Variants in ANGPTL2 observed in about 807,000 individuals in gnomAD.
ANGPTL2 encodes angiopoietin-related protein 2.
Under a neutral mutation model 52.8 loss-of-function variants are expected in ANGPTL2, and 25 were observed. The observed-to-expected ratio is 0.47, with a 90% confidence interval of 0.35 to 0.66. The LOEUF (loss-of-function observed/expected upper bound fraction) is 0.66, where lower values mean the gene tolerates loss of function less well. Among genes scored for constraint, ANGPTL2 ranks in the 30% least tolerant of loss-of-function variants. The pLI, the probability that ANGPTL2 is intolerant of heterozygous loss-of-function variation, is 0.01. For missense variants in ANGPTL2, 546 were observed against 656.9 expected, an observed-to-expected ratio of 0.83 and a Z score of 1.84; for synonymous variants, 276 against 277.4, an observed-to-expected ratio of 1.00 and a Z score of 0.05.
At chr9:127,120,988 C>T (rs995843236) in intron 1 of ANGPTL2, among the ~76,000 whole-genome samples, 3 of 152,134 alleles carry the variant, frequency 2.0e-5, no homozygotes, top group Non-Finnish European at 4.4e-5. Flanking sequence ...CTAGCTTTCT[C>T]CTAGAAAGCA....
In ANGPTL2 at chr9:127,091,524, A is replaced by G; in HGVS notation, c.1282+146T>C. On this transcript the variant is annotated intron_variant, in intron 4 of 4. Coordinates refer to ENST00000373425, the MANE Select transcript of ANGPTL2 (RefSeq NM_012098.3). This position sits in a 1 kb window ranked among gnomAD's most constrained non-coding sequence, Gnocchi z 4.3. ...CCTGTGGGCAGGAGAAGGGACCCTC[A>G]GGGGGTGGTAACAGGGTCAGGCAGC... 9.0e-7 allele frequency: 1 copy of G among 1,106,002 alleles called. No individual in the cohort carries two copies. Among genetic ancestry groups the G allele is most frequent in the Non-Finnish European group, 1.3e-6 (1 of 774,784 alleles). The allele number at this position is 1,106,002 out of a possible 1,614,324, so 68.5% of individuals were successfully genotyped here. A position where few individuals can be genotyped will look rare whatever the true frequency, so the allele number is the denominator to read the frequency against.
In ANGPTL2 at chr9:127,089,043, T is replaced by G; in HGVS notation, c.1378A>C (p.Ser460Arg). 1 of 1,614,198 alleles carries G rather than the reference T, an allele frequency of 6.2e-7. No individual in the cohort carries two copies. Among genetic ancestry groups the G allele is most frequent in the Non-Finnish European group, 8.5e-7 (1 of 1,180,032 alleles). Residue 460 changes from serine (S) to arginine (R), a missense_variant, in exon 5 of 5, where the codon AGC (serine) becomes CGC (arginine). By Grantham distance (110) the Ser-to-Arg change is moderately radical (BLOSUM62 -1). Around this residue, in one of 2 missense-constraint regions of ANGPTL2, gnomAD observed 261 missense variants for 361.0 expected, o/e 0.72. Transcript: ENST00000373425. ...GVWYRGGHYR[S>R]RYQDGVYWAE... Reference sequence around the variant, plus strand: ...CAGTAGACTCCGTCCTGGTAGCGGCTCCGGTAATGGCCCCCGCGGTACCAG... The same window carrying G: ...CAGTAGACTCCGTCCTGGTAGCGGCGCCGGTAATGGCCCCCGCGGTACCAG...
At chr9:127,116,629 C>T (rs1012506088) in intron 1 of ANGPTL2, among the ~76,000 whole-genome samples, 3 of 152,218 alleles carry the variant, frequency 2.0e-5, no homozygotes, top group African/African-American at 4.8e-5. Flanking sequence ...GTGGACAGCA[C>T]TGCCCCAGGG....
chr9:127,122,093 G>A lies in ANGPTL2; in HGVS notation c.-50+222C>T, dbSNP rs1254866747. ...AGTGAGGCTTACTCATGAAGTCCTC[G>A]AGATGCCAGCCCATGATCATGTGCC... On this transcript the variant is annotated intron_variant, in intron 1 of 4. Transcript: ENST00000373425. This position sits in a 1 kb window ranked among gnomAD's most constrained non-coding sequence, Gnocchi z 6.4. Among the ~76,000 whole-genome samples, 3 of 152,148 alleles carry A rather than the reference G, an allele frequency of 2.0e-5. No homozygotes were observed. Among genetic ancestry groups the A allele is most frequent in the African/African-American group, 7.2e-5 (3 of 41,428 alleles).
In ANGPTL2 at chr9:127,091,917, G is replaced by A. The variant is rs780907337; in HGVS notation, c.1035C>T (p.Gly345=). The part of the protein sequence containing the change: ...TYKQGFGNID[G]EYWLGLENIY... Reference sequence around the variant, plus strand: ...TGTTCTCCAGGCCCAGCCAGTATTCGCCGTCAATGTTCCCAAACCCTTGCT... The same window carrying A: ...TGTTCTCCAGGCCCAGCCAGTATTCACCGTCAATGTTCCCAAACCCTTGCT... Residue 345 remains glycine (G), a synonymous_variant, in exon 4 of 5, where the codon GGC becomes GGT. Transcript: ENST00000373425. The surrounding 1 kb of genome is among the most constrained non-coding windows in gnomAD (Gnocchi z 4.3). The A allele has an allele frequency of 7.4e-6, 12 of 1,613,936 alleles. No homozygotes were observed. Among genetic ancestry groups the A allele is most frequent in the Admixed American group, 3.3e-5 (2 of 59,992 alleles).
intron 1 of ANGPTL2, among the ~76,000 whole-genome samples, chr9:127,111,543 G>GGATC (rs1386374856): frequency 6.6e-6 from 1 of 152,212 alleles, no homozygotes; most frequent in African/African-American, 2.4e-5. Flanking sequence ...ATTGGGGCAG[G>GGATC]GATCCCATGG....
Position 127,108,379 on chromosome 9 carries a change from C to T in ANGPTL2, c.353G>A (p.Ser118Asn). ...CTCCTTGCGCAGCAGCTTCACCTCG[C>T]TCACAATGCCGCCGTCCACCTCCAC... The part of the protein sequence containing the change: ...QLVEVDGGIV[S>N]EVKLLRKESR... Residue 118 changes from serine (S) to asparagine (N), a missense_variant, in exon 2 of 5, where the codon AGC becomes AAC. Transcript: ENST00000373425. 6.2e-7 allele frequency: 1 copy of T among 1,610,070 alleles called. No individual in the cohort carries two copies. The highest frequency in any genetic ancestry group is 8.5e-7 in the Non-Finnish European group (1 of 1,178,250).
intron 3 of ANGPTL2, among the ~76,000 whole-genome samples, chr9:127,092,365 C>T (rs563433180): frequency 7.2e-5 from 11 of 152,238 alleles, no homozygotes; most frequent in South Asian, 2.1e-4. Flanking sequence ...TAAGCTGTAA[C>T]GCACCAGACG....
intron 1 of ANGPTL2, among the ~76,000 whole-genome samples, chr9:127,112,501 A>C (rs746964122): frequency 2.0e-5 from 3 of 152,168 alleles, no homozygotes; most frequent in Non-Finnish European, 4.4e-5. Context: ...GCTGCAAGAC[A>C]AGGTTGGTTT....
chr9:127,100,518 G>C (rs772162001), intron 2 of ANGPTL2, among the ~76,000 whole-genome samples: 2 of 152,174 alleles, frequency 1.3e-5, no homozygotes, highest in South Asian at 4.1e-4. Context: ...GTTTAGAAGG[G>C]GCTTTAGTGG....
intron 1 of ANGPTL2, among the ~76,000 whole-genome samples, chr9:127,109,102 C>A (rs955198629): frequency 3.3e-5 from 5 of 152,324 alleles, no homozygotes; most frequent in African/African-American, 9.6e-5. Flanking sequence ...GCCTGAGAAT[C>A]GTATCCAGGC....
chr9:127,108,910 T>TA, intron 1 of ANGPTL2, 130 bp from the exon 2 acceptor site: 1 of 674,168 alleles, frequency 1.5e-6, no homozygotes, highest in South Asian at 2.2e-5. Context: ...TGCTGGGTTA[T>TA]ATTCTCTTGG....
chr9:127,101,907 AT>A (rs949240003), intron 2 of ANGPTL2, among the ~76,000 whole-genome samples: 5 of 151,690 alleles, frequency 3.3e-5, no homozygotes, highest in South Asian at 4.2e-4. Flanking sequence ...AAAGTAACTT[AT>A]TTTTTTTTAA....
intron 4 of ANGPTL2, among the ~76,000 whole-genome samples, chr9:127,089,615 G>C (rs1200403267): frequency 6.6e-6 from 1 of 152,172 alleles, no homozygotes; most frequent in Non-Finnish European, 1.5e-5. Flanking sequence ...AGTCTTTAAA[G>C]AATGACAAAG....
intron 2 of ANGPTL2, among the ~76,000 whole-genome samples, chr9:127,099,465 CA>C (rs1263019522): frequency 6.6e-6 from 1 of 152,138 alleles, no homozygotes; most frequent in Non-Finnish European, 1.5e-5. Context: ...ATTTCCTACC[CA>C]AATTAATGCA....
rs756824904 is a variant in ANGPTL2 at position 127,108,095 on chromosome 9, C to T, written c.637G>A (p.Val213Ile). 28 of 1,610,706 alleles carry T rather than the reference C, an allele frequency of 1.7e-5. No homozygotes were observed. The highest frequency in any genetic ancestry group is 3.3e-4 in the Middle Eastern group (2 of 6,048). The change falls in exon 2 of 5, where the codon GTC becomes ATC. Residue 213 changes from valine to isoleucine, a missense_variant. This residue lies in a region of ANGPTL2 where 285 missense variants were observed against 295.8 expected (regional missense o/e 0.96). Transcript: ENST00000373425. ...HCQRVPSARP[V>I]PQPPPAAPPR... The stretch of plus-strand genomic sequence containing the variant: ...GGGGCAGCGGGGGGTGGCTGGGGGA[C>T]GGGCCTGGCCGAGGGCACCCTCTGG...
chr9:127,089,162 G>A (rs187115250), intron 4 of ANGPTL2, 24 bp from the exon 5 acceptor site: 1 of 1,613,088 alleles, frequency 6.2e-7, no homozygotes. Context: ...GGCAGTGAGA[G>A]GGTGTCTGGG....
At chr9:127,113,503 C>T (rs2055071640) in intron 1 of ANGPTL2, among the ~76,000 whole-genome samples, 1 of 148,292 alleles carries the variant, frequency 6.7e-6, no homozygotes, top group African/African-American at 2.5e-5. Flanking sequence ...AGTAACACCC[C>T]CCACCCCCAC....
chr9:127,121,095 C>T (rs2137707922), intron 1 of ANGPTL2, among the ~76,000 whole-genome samples: 1 of 152,302 alleles, frequency 6.6e-6, no homozygotes, highest in African/African-American at 2.4e-5. Context: ...ATTACTTTAC[C>T]TCAGTTTCCT....
Sources: allele counts gnomAD v4.1 joint callset (sites outside exome capture counted in the v4.1 genomes callset), GRCh38; gene constraint gnomAD v4.1.1; regional missense constraint gnomAD v4.1.1; non-coding constraint Gnocchi (gnomAD v3.1); transcripts MANE v1.5; gene names NCBI Gene and HGNC (gene_info 2026-07-23, HGNC 2026-07-21).